The following RBBP8NL variants were observed in gnomAD, a reference collection of about 807,000 sequenced individuals.
RBBP8NL encodes RBBP8 N-terminal like.
Under a neutral mutation model 62.2 loss-of-function variants are expected in RBBP8NL, and 59 were observed. The ratio of observed to expected loss-of-function variants is 0.95; its 90% CI spans 0.77 to 1.18. RBBP8NL has a LOEUF of 1.18. Ranked by LOEUF, RBBP8NL falls within the 50% of genes most tolerant of loss-of-function variation. The pLI is 0.00. For missense variants in RBBP8NL, 896 were observed against 899.5 expected (o/e 1.00, Z 0.05); for synonymous variants, 412 against 394.1 (o/e 1.05, Z -0.54).
chr20:62,417,098 G>A, intron 4 of RBBP8NL, 126 bp downstream of exon 4: 1 of 770,848 alleles, frequency 1.3e-6, no homozygotes, highest in Non-Finnish European at 2.1e-6. Context: ...TCCTGCAGTG[G>A]GGAAACCTTC....
intron 1 of RBBP8NL, among the ~76,000 whole-genome samples, chr20:62,421,249 GCATGTGTGTGC>G (rs1187122271): frequency 2.0e-5 from 3 of 152,094 alleles, no homozygotes; most frequent in Non-Finnish European, 2.9e-5. Context: ...GAGCCAGTGT[GCATGTGTGTGC>G]CGTGTGTGTG....
At chr20:62,419,915 G>T (rs1182336398) in intron 1 of RBBP8NL, among the ~76,000 whole-genome samples, 185 bp from the exon 2 acceptor site, 2 of 152,220 alleles carry the variant, frequency 1.3e-5, no homozygotes, top group Non-Finnish European at 2.9e-5. Flanking sequence ...ATAGTACATT[G>T]TGTGGCTTCC....
chr20:62,420,375 C>CACACAT (rs1555892563), intron 1 of RBBP8NL, among the ~76,000 whole-genome samples: 148 of 150,444 alleles, frequency 9.8e-4, no homozygotes, highest in African/African-American at 3.5e-3. Context: ...CACACACACA[C>CACACAT]ACACACACAC....
At chr20:62,416,683 C>A in intron 5 of RBBP8NL, 77 bp downstream of exon 5, 1 of 979,912 alleles carries the variant, frequency 1.0e-6, no homozygotes, top group East Asian at 2.6e-5. Flanking sequence ...TCCCCATGCC[C>A]CTACATGGGC....
At chr20:62,418,224 A>C (rs1988624495) in intron 3 of RBBP8NL, among the ~76,000 whole-genome samples, 199 bp downstream of exon 3, 1 of 152,126 alleles carries the variant, frequency 6.6e-6, no homozygotes, top group South Asian at 2.1e-4. Context: ...TGGGAGGCCG[A>C]CGCAACTGGG....
rs758105273 is a variant in RBBP8NL at position 62,412,860 on chromosome 20, T to C, written c.1716A>G (p.Glu572=). 3.1e-6 allele frequency: 5 copies of C among 1,613,534 alleles called. 1 individual carries two copies. The South Asian group carries it at 5.5e-5, about 18-fold the overall frequency. The change falls in exon 12 of 14, where the codon GAA becomes GAG. Residue 572 remains glutamate, a synonymous_variant. Transcript: ENST00000252998. ...KAEVLRPESD[E]LDETDTPGSE... The stretch of plus-strand genomic sequence containing the variant: ...TGCCTGGGGTGTCTGTCTCATCCAG[T>C]TCGTCGGACTCTGGTCTCAGCACTT...
At chr20:62,420,250 C>T (rs964334741) in intron 1 of RBBP8NL, among the ~76,000 whole-genome samples, 1 of 152,160 alleles carries the variant, frequency 6.6e-6, no homozygotes, top group African/African-American at 2.4e-5. Flanking sequence ...ACACCACTGT[C>T]ACAGCACCTC....
At chr20:62,415,747 C>G (rs371125020) in intron 7 of RBBP8NL, 41 bp downstream of exon 7, 1 of 1,609,246 alleles carries the variant, frequency 6.2e-7, no homozygotes, top group East Asian at 2.2e-5. Context: ...CCTGGTCCTG[C>G]GGGGGCCCAG....
intron 1 of RBBP8NL, among the ~76,000 whole-genome samples, chr20:62,424,958 C>A (rs1345180701): frequency 7.2e-6 from 1 of 138,138 alleles, no homozygotes; most frequent in African/African-American, 2.6e-5. Context: ...GAGAGTCAGT[C>A]TGGGCGGAGG....
chr20:62,414,540 G>T lies in RBBP8NL; in HGVS notation c.811C>A (p.Arg271=). The change falls in exon 10 of 14, where the codon CGG becomes AGG. Residue 271 remains arginine, a synonymous_variant. Transcript: ENST00000252998. ...LSLDSFLRAS[R]PSAMTHEAPK... ...GCCTCATGGGTCATGGCGGAGGGCC[G>T]GGAGGCCCGCAGGAAGCTGTGAGGG... 7.7e-6 allele frequency: 11 copies of T among 1,426,910 alleles called. No homozygotes were observed. The highest frequency in any genetic ancestry group is 9.2e-6 in the Non-Finnish European group (10 of 1,085,344). The allele number at this position is 1,426,910 out of a possible 1,614,324, so 88.4% of individuals were successfully genotyped here. A position where few individuals can be genotyped will look rare whatever the true frequency, so the allele number is the denominator to read the frequency against.
At chr20:62,416,960 G>T in intron 4 of RBBP8NL, 88 bp from the exon 5 acceptor site, 1 of 1,069,982 alleles carries the variant, frequency 9.3e-7, no homozygotes, top group Non-Finnish European at 1.4e-6. Context: ...GCTGGGAAGT[G>T]CCCCTGCCCT....
Position 62,414,504 on chromosome 20 carries a change from A to AGAGCTTCGGGGC in RBBP8NL, c.835_846dup (p.Ala279_Leu282dup). ...AGGCAGAGCCGGTCCACCTTCGGGG[A>AGAGCTTCGGGGC]GAGCTTCGGGGCCTCATGGGTCATG... On this transcript the variant is annotated inframe_insertion, in exon 10 of 14. Transcript: ENST00000252998. The AGAGCTTCGGGGC allele has an allele frequency of 6.9e-7, 1 of 1,450,858 alleles. No individual in the cohort carries two copies. 89.9% of individuals were successfully genotyped at this position (1,450,858 alleles called of 1,614,324 possible).
chr20:62,415,475 G>T, intron 8 of RBBP8NL, 103 bp downstream of exon 8: 1 of 1,427,666 alleles, frequency 7.0e-7, no homozygotes, highest in Non-Finnish European at 9.8e-7. Context: ...CACATTCAGG[G>T]TTAGGCGCAT....
intron 13 of RBBP8NL, among the ~76,000 whole-genome samples, chr20:62,412,161 C>T (rs192898214): frequency 3.3e-4 from 50 of 152,342 alleles, no homozygotes; most frequent in African/African-American, 1.1e-3. Flanking sequence ...AGCAAACGTG[C>T]CCCCATGCCC....
At chr20:62,426,118 TTAGCAGTGGCAGTGGCAGTGG>T (rs1248048894) in intron 1 of RBBP8NL, among the ~76,000 whole-genome samples, 1 of 135,174 alleles carries the variant, frequency 7.4e-6, no homozygotes, top group Non-Finnish European at 1.6e-5. Flanking sequence ...GGCAGTGGCA[TTAGCAGTGGCAGTGGCAGTGG>T]TAGCAGTAGC....
In RBBP8NL at chr20:62,414,441, G is replaced by T. The variant is rs867065933; in HGVS notation, c.910C>A (p.His304Asn). The T allele has an allele frequency of 6.6e-7, 1 of 1,508,194 alleles. No homozygotes were observed. Among genetic ancestry groups the T allele is most frequent in the East Asian group, 2.4e-5 (1 of 42,308 alleles). 93.4% of individuals were successfully genotyped at this position (1,508,194 alleles called of 1,614,324 possible). The change falls in exon 10 of 14, where the codon CAC becomes AAC. Residue 304 changes from histidine (H) to asparagine (N), a missense_variant. By Grantham distance (68) the His-to-Asn change is moderately conservative. Transcript: ENST00000252998. The part of the protein sequence containing the change: ...RPLSLHLQSP[H>N]SSPLAPAAAP... ...GCAGCAGGGGCCAGGGGGCTGCTGT[G>T]GGGGCTCTGAAGGTGCAGGGACAGG...
intron 9 of RBBP8NL, among the ~76,000 whole-genome samples, chr20:62,414,868 TC>T (rs1020415871): frequency 3.1e-4 from 47 of 152,212 alleles, no homozygotes; most frequent in African/African-American, 1.1e-3. Context: ...ACCTGGAGGG[TC>T]CTAGCCACCT....
chr20:62,415,788 CT>C lies in RBBP8NL; in HGVS notation c.543del (p.Glu182LysfsTer28). ...CAGCCTCACCCGGTCCCCACAGCAC[CT>C]TCTCCCCGTAGGCCCACGCCCTGGT... is the stretch of plus-strand genomic sequence containing the variant. ...EDHQGVGLRG[E>X]EKPAGHRTSP... On this transcript the variant is annotated frameshift_variant and splice_region_variant, in exon 7 of 14. Coordinates refer to ENST00000252998, the MANE Select transcript of RBBP8NL (RefSeq NM_080833.3). LOFTEE classifies it high-confidence loss of function. The C allele has an allele frequency of 6.2e-7, 1 of 1,611,948 alleles. No homozygotes were observed. The highest frequency in any genetic ancestry group is 8.5e-7 in the Non-Finnish European group (1 of 1,179,872).
chr20:62,416,709 T>A, intron 5 of RBBP8NL, 51 bp downstream of exon 5: 1 of 1,322,070 alleles, frequency 7.6e-7, no homozygotes, highest in South Asian at 1.3e-5. Flanking sequence ...AGGCCTGGGG[T>A]CGCCTGGCCC....
Sources: allele counts gnomAD v4.1 joint callset (sites outside exome capture counted in the v4.1 genomes callset), GRCh38; gene constraint gnomAD v4.1.1; transcripts MANE v1.5; gene names NCBI Gene and HGNC (gene_info 2026-07-23, HGNC 2026-07-21).